The following PRKD1 variants were observed in gnomAD, a reference collection of about 807,000 sequenced individuals.
PRKD1 encodes the protein protein kinase D1, also known as serine/threonine-protein kinase D1.
Under a neutral mutation model 95.9 loss-of-function variants are expected in PRKD1, and 63 were observed. The ratio of observed to expected loss-of-function variants is 0.66; its 90% confidence interval spans 0.54 to 0.81. The LOEUF (loss-of-function observed/expected upper bound fraction) is 0.81. Among genes scored for constraint, PRKD1 ranks in the 30% least tolerant of loss-of-function variants. The probability of loss-of-function intolerance (pLI) is 0.00; values close to 1 mark genes in which losing one functional copy is unlikely to be tolerated. For missense variants in PRKD1, 1,048 were observed against 1,165.3 expected, an observed-to-expected ratio of 0.90 and a Z score of 1.47; for synonymous variants, 425 against 423.1, an observed-to-expected ratio of 1.00 and a Z score of -0.05.
intron 3 of PRKD1, among the ~76,000 whole-genome samples, chr14:29,665,289 T>C (rs45582832): frequency 4.6e-5 from 7 of 152,312 alleles, no homozygotes; most frequent in African/African-American, 1.4e-4. Context: ...ATGAATTATA[T>C]AGTGGTAAAG....
intron 1 of PRKD1, among the ~76,000 whole-genome samples, chr14:29,843,029 T>C (rs1042886541): frequency 6.6e-6 from 1 of 152,170 alleles, no homozygotes; most frequent in Non-Finnish European, 1.5e-5. Flanking sequence ...GAAGGTATTA[T>C]TAACGGAATT....
At position 29,927,381 on chromosome 14, in the gene PRKD1, G is replaced by C; in HGVS notation, c.132C>G (p.Ala44=). The C allele has an allele frequency of 6.4e-7, 1 of 1,554,722 alleles. No individual in the cohort carries two copies. The highest frequency in any genetic ancestry group is 1.2e-5 in the South Asian group (1 of 84,808). ...GPAPFLAPVA[A]PVGGISFHLQ... ...GATGGAACGAGATGCCCCCGACCGGGGCCGCGACAGGAGCCAAGAACGGCG... is the reference window on the plus strand; with the variant it reads ...GATGGAACGAGATGCCCCCGACCGGCGCCGCGACAGGAGCCAAGAACGGCG... The change falls in exon 1 of 18, where the codon GCC becomes GCG. Residue 44 remains alanine (A), a synonymous_variant. Transcript: ENST00000331968.
chr14:29,611,486 CAAGA>C (rs1273307854), intron 13 of PRKD1, among the ~76,000 whole-genome samples: 1 of 151,944 alleles, frequency 6.6e-6, no homozygotes, highest in East Asian at 1.9e-4. Flanking sequence ...AGTGAGAACT[CAAGA>C]AAGACTCACA....
chr14:29,669,821 TCACAC>T, intron 2 of PRKD1, among the ~76,000 whole-genome samples: 1 of 152,260 alleles, frequency 6.6e-6, no homozygotes, highest in Admixed American at 6.5e-5. Context: ...TGAATCAAGA[TCACAC>T]CATTGCACTC....
intron 2 of PRKD1, among the ~76,000 whole-genome samples, chr14:29,708,162 G>A (rs987256606): frequency 3.9e-5 from 6 of 152,046 alleles, no homozygotes; most frequent in African/African-American, 1.4e-4. Flanking sequence ...CATTAGGAAG[G>A]ACAATTTAAC....
intron 2 of PRKD1, among the ~76,000 whole-genome samples, chr14:29,677,965 G>T (rs1883330858): frequency 6.6e-6 from 1 of 152,078 alleles, no homozygotes; most frequent in Admixed American, 6.6e-5. Flanking sequence ...ATTTTAAAAG[G>T]GGACATTTTT....
intron 1 of PRKD1, among the ~76,000 whole-genome samples, chr14:29,870,019 A>G (rs2139375402): frequency 6.6e-6 from 1 of 152,284 alleles, no homozygotes; most frequent in East Asian, 1.9e-4. Flanking sequence ...ATGGCTCCAC[A>G]GTCATCAACT....
At chr14:29,812,866 T>G (rs943977509) in intron 1 of PRKD1, among the ~76,000 whole-genome samples, 1 of 152,196 alleles carries the variant, frequency 6.6e-6, no homozygotes, top group African/African-American at 2.4e-5. Flanking sequence ...CCCAGCACTT[T>G]GGGAGGCCAA....
chr14:29,661,931 C>T (rs554355040), intron 4 of PRKD1, among the ~76,000 whole-genome samples: 2 of 152,050 alleles, frequency 1.3e-5, no homozygotes, highest in Admixed American at 1.3e-4. Flanking sequence ...AAGCATTTTA[C>T]AAAAAAATTT....
At chr14:29,877,257 T>G (rs1055055865) in intron 1 of PRKD1, among the ~76,000 whole-genome samples, 1 of 152,222 alleles carries the variant, frequency 6.6e-6, no homozygotes, top group African/African-American at 2.4e-5. Context: ...CTGGTAGGGA[T>G]GTAAAATGTT....
At chr14:29,814,548 C>A (rs1052961143) in intron 1 of PRKD1, among the ~76,000 whole-genome samples, 1 of 152,192 alleles carries the variant, frequency 6.6e-6, no homozygotes, top group Admixed American at 6.5e-5. Context: ...CCTGAAAGTT[C>A]TGAATAGCTA....
At chr14:29,901,049 G>A (rs1441184318) in intron 1 of PRKD1, among the ~76,000 whole-genome samples, 1 of 152,170 alleles carries the variant, frequency 6.6e-6, no homozygotes, top group East Asian at 1.9e-4. Flanking sequence ...CTTGTTCACT[G>A]CAGTGCTATT....
intron 4 of PRKD1, among the ~76,000 whole-genome samples, chr14:29,659,003 A>G (rs992102405): frequency 6.6e-6 from 1 of 152,174 alleles, no homozygotes; most frequent in African/African-American, 2.4e-5. Flanking sequence ...TCATTTTAAA[A>G]CACTTTTACT....
chr14:29,596,717 T>C (rs548963861), intron 16 of PRKD1, among the ~76,000 whole-genome samples: 1 of 152,314 alleles, frequency 6.6e-6, no homozygotes, highest in South Asian at 2.1e-4. Context: ...ATAGCCATCA[T>C]AGTAACACCT....
intron 1 of PRKD1, among the ~76,000 whole-genome samples, chr14:29,878,816 A>G (rs1197954116): frequency 6.6e-6 from 1 of 152,150 alleles, no homozygotes; most frequent in East Asian, 1.9e-4. Flanking sequence ...GTGATGAAAA[A>G]GTTCTGGAAT....
intron 16 of PRKD1, chr14:29,592,772 G>A (rs1485506591): frequency 1.3e-5 from 2 of 152,146 alleles, no homozygotes; most frequent in Non-Finnish European, 2.9e-5. Flanking sequence ...AACAAGTAAC[G>A]TGGATGAGAT....
intron 2 of PRKD1, among the ~76,000 whole-genome samples, chr14:29,699,398 A>G (rs954515952): frequency 1.3e-5 from 2 of 152,080 alleles, no homozygotes; most frequent in Admixed American, 1.3e-4. Flanking sequence ...ATTACAGATG[A>G]GGTTGGCCAT....
At chr14:29,810,374 T>C (rs975211338) in intron 1 of PRKD1, among the ~76,000 whole-genome samples, 2 of 152,220 alleles carry the variant, frequency 1.3e-5, no homozygotes, top group Non-Finnish European at 2.9e-5. Flanking sequence ...CGTGTGCCTG[T>C]ATGTATTCTT....
At chr14:29,619,753 G>A (rs537599826) in intron 13 of PRKD1, among the ~76,000 whole-genome samples, 1 of 152,184 alleles carries the variant, frequency 6.6e-6, no homozygotes, top group South Asian at 2.1e-4. Context: ...CAAAGTAGGT[G>A]AGCTTAACTT....
Sources: allele counts gnomAD v4.1 joint callset (sites outside exome capture counted in the v4.1 genomes callset), GRCh38; gene constraint gnomAD v4.1.1; transcripts MANE v1.5; gene names NCBI Gene and HGNC (gene_info 2026-07-23, HGNC 2026-07-21).